The following TFDP2 variants were observed in gnomAD, a reference collection of about 807,000 sequenced individuals.
TFDP2 encodes the protein transcription factor Dp-2 (E2F dimerization partner 2).
TFDP2 carries 17 observed loss-of-function variants against 59.3 expected under a neutral mutation model. The observed-to-expected ratio is 0.29, with a 90% CI of 0.20 to 0.43. TFDP2 has a LOEUF of 0.43. Among genes scored for constraint, TFDP2 ranks in the 20% least tolerant of loss-of-function variants. The pLI is 1.00. For synonymous variants in TFDP2, 180 were observed against 194.7 expected (o/e 0.92, Z 0.63); for missense variants, 391 against 528.8 (o/e 0.74, Z 2.56).
At chr3:142,031,516 T>TTA (rs1174146930) in intron 3 of TFDP2, among the ~76,000 whole-genome samples, 4 of 152,200 alleles carry the variant, frequency 2.6e-5, no homozygotes, top group Non-Finnish European at 5.9e-5. Context: ...TCACTACCTT[T>TTA]TATGTTCTTC....
chr3:141,944,947 T>G lies in TFDP2; in HGVS notation c.*7566A>C, dbSNP rs1207781121. 6.6e-6 allele frequency: 1 copy of G among 152,254 alleles called. No individual in the cohort carries two copies. Among genetic ancestry groups the G allele is most frequent in the African/African-American group, 2.4e-5 (1 of 41,464 alleles). The allele number at this position is 152,254 out of a possible 1,614,324, so 9.4% of individuals were successfully genotyped here. On this transcript the variant is annotated 3_prime_UTR_variant, in exon 13 of 13. Coordinates refer to ENST00000489671, the MANE Select transcript of TFDP2 (RefSeq NM_001178139.2). Reference sequence around the variant, plus strand: ...CATTGGGCAAGTCAGATGTGGTGGTTGCATTTTCCTCTTATCTCTCTTGTT... The same window carrying G: ...CATTGGGCAAGTCAGATGTGGTGGTGGCATTTTCCTCTTATCTCTCTTGTT...
At chr3:141,982,263 T>G (rs1358896161) in intron 6 of TFDP2, among the ~76,000 whole-genome samples, 2 of 152,222 alleles carry the variant, frequency 1.3e-5, no homozygotes, top group East Asian at 3.8e-4. Flanking sequence ...TTTATTTTCT[T>G]TTAAAATTTC....
intron 1 of TFDP2, among the ~76,000 whole-genome samples, chr3:142,122,368 A>C (rs1297112314): frequency 6.6e-6 from 1 of 152,114 alleles, no homozygotes; most frequent in Non-Finnish European, 1.5e-5. Flanking sequence ...TAAAATCCCT[A>C]TCTCTAAAAT....
At chr3:142,102,230 A>G (rs1001413630) in intron 1 of TFDP2, among the ~76,000 whole-genome samples, 1 of 152,208 alleles carries the variant, frequency 6.6e-6, no homozygotes, top group South Asian at 2.1e-4. Flanking sequence ...GAGACATGTC[A>G]AAAGTACACA....
chr3:142,035,802 A>C (rs185616188), intron 3 of TFDP2, among the ~76,000 whole-genome samples: 18 of 152,320 alleles, frequency 1.2e-4, no homozygotes, highest in African/African-American at 4.3e-4. Context: ...TGCCATACAC[A>C]TAAGACATGA....
rs542971773 is a variant in TFDP2, at chr3:142,140,071, ACT to A, written c.-93+9110_-93+9111del. On this transcript the variant is annotated intron_variant, in intron 1 of 12. Coordinates refer to ENST00000489671, the MANE Select transcript of TFDP2 (RefSeq NM_001178139.2). ...CTGGAGGCTTTGTTCATTTCTTTTT[ACT>A]CTTTTTTCGCTAAACTTGTCTTCTC... 6.0e-5 allele frequency among the ~76,000 whole-genome samples: 9 copies of A among 151,118 alleles called. No homozygotes were observed. The East Asian group carries it at 1.7e-3, about 29-fold the overall frequency.
chr3:142,094,574 G>A (rs1283391041), intron 2 of TFDP2, among the ~76,000 whole-genome samples: 1 of 151,950 alleles, frequency 6.6e-6, no homozygotes, highest in African/African-American at 2.4e-5. Flanking sequence ...CAAAGTGCTG[G>A]GATTACAGGC....
rs1021601833 is a variant in TFDP2, at chr3:141,951,849, CTAA to C, written c.*661_*663del. On this transcript the variant is annotated 3_prime_UTR_variant, in exon 13 of 13. Transcript: ENST00000489671. ...TAAATTCTATGCACCAATGCATTGG[CTAA>C]TAATAATTTCAGTTTTACTATAAAT... 6.6e-6 allele frequency: 1 copy of C among 152,566 alleles called. No individual in the cohort carries two copies. The highest frequency in any genetic ancestry group is 1.5e-5 in the Non-Finnish European group (1 of 68,026). 9.5% of individuals were successfully genotyped at this position (152,566 alleles called of 1,614,324 possible). A position where few individuals can be genotyped will look rare whatever the true frequency, so the allele number is the denominator to read the frequency against.
chr3:141,995,031 G>T lies in TFDP2; in HGVS notation c.297C>A (p.Gly99=), dbSNP rs773557291. ...TGCAACACTCTTACCCAGGGACCCA[G>T]CCAGTAGCTTCTGCTATGTGTGTCT... ...VTQTHIAEAT[G]WVPGDRKRAR... The change falls in exon 5 of 13, where the codon GGC becomes GGA. Residue 99 remains glycine, a synonymous_variant. Coordinates refer to ENST00000489671, the MANE Select transcript of TFDP2 (RefSeq NM_001178139.2). 1.3e-6 allele frequency: 2 copies of T among 1,594,784 alleles called. No individual in the cohort carries two copies. Among genetic ancestry groups the T allele is most frequent in the Admixed American group, 1.7e-5 (1 of 58,184 alleles).
chr3:142,080,735 A>G (rs1366319102), intron 3 of TFDP2, among the ~76,000 whole-genome samples: 1 of 152,240 alleles, frequency 6.6e-6, no homozygotes, highest in Non-Finnish European at 1.5e-5. Context: ...ACAAAACTAT[A>G]AAGAGACAAA....
intron 3 of TFDP2, among the ~76,000 whole-genome samples, chr3:142,067,800 C>G (rs2060120346): frequency 6.6e-6 from 1 of 151,958 alleles, no homozygotes; most frequent in African/African-American, 2.4e-5. Flanking sequence ...CCTAGGAGTT[C>G]AAGACCAGCC....
At chr3:141,980,945 T>C (rs11705778) in intron 6 of TFDP2, among the ~76,000 whole-genome samples, 3 of 152,292 alleles carry the variant, frequency 2.0e-5, no homozygotes, top group Non-Finnish European at 4.4e-5. Flanking sequence ...TAACTTATTA[T>C]TGAAGAAGAA....
intron 1 of TFDP2, among the ~76,000 whole-genome samples, chr3:142,139,453 T>C (rs2062855655): frequency 6.6e-6 from 1 of 152,220 alleles, no homozygotes; most frequent in African/African-American, 2.4e-5. Context: ...TACAGTTTCT[T>C]CATAGCATTC....
intron 3 of TFDP2, among the ~76,000 whole-genome samples, chr3:142,014,961 C>T (rs1945017798): frequency 6.6e-6 from 1 of 152,228 alleles, no homozygotes. Context: ...ACCCTCTCTT[C>T]CCAATTTTCC....
chr3:142,141,388 C>T (rs959745042), intron 1 of TFDP2, among the ~76,000 whole-genome samples: 1 of 152,218 alleles, frequency 6.6e-6, no homozygotes, highest in Admixed American at 6.5e-5. Flanking sequence ...ACGGTCCAAC[C>T]AGTCCCAATG....
At chr3:142,052,373 T>TA (rs62921761) in intron 3 of TFDP2, among the ~76,000 whole-genome samples, 125,539 of 144,208 alleles carry the variant, frequency 0.87, 54,652 homozygotes, top group African/African-American at 0.93. Context: ...CTGCCTCTAC[T>TA]AAAAAAAAAA....
intron 1 of TFDP2, among the ~76,000 whole-genome samples, chr3:142,123,422 T>C (rs901386780): frequency 2.6e-5 from 4 of 152,054 alleles, no homozygotes; most frequent in Admixed American, 6.6e-5. Context: ...GCGTGAGCCA[T>C]CGCGCCCAGC....
chr3:142,047,259 G>T (rs1259169058), intron 3 of TFDP2, among the ~76,000 whole-genome samples: 1 of 152,118 alleles, frequency 6.6e-6, no homozygotes. Flanking sequence ...ATTAAAATGA[G>T]ATTACAATCA....
chr3:142,068,640 C>T (rs572162248), intron 3 of TFDP2, among the ~76,000 whole-genome samples: 1 of 151,706 alleles, frequency 6.6e-6, no homozygotes, highest in Non-Finnish European at 1.5e-5. Flanking sequence ...AATCTCAGCT[C>T]ATTGCAACCC....
Sources: allele counts gnomAD v4.1 joint callset (sites outside exome capture counted in the v4.1 genomes callset), GRCh38; gene constraint gnomAD v4.1.1; transcripts MANE v1.5; gene names NCBI Gene and HGNC (gene_info 2026-07-23, HGNC 2026-07-21).